The following PTPRD variants were observed in gnomAD, a reference collection of about 807,000 sequenced individuals.
The protein encoded by PTPRD is receptor-type tyrosine-protein phosphatase delta.
PTPRD carries 34 observed loss-of-function variants against 214.5 expected under a neutral mutation model. The observed-to-expected ratio is 0.16, with a 90% CI of 0.12 to 0.21. The LOEUF (loss-of-function observed/expected upper bound fraction) is 0.21. PTPRD is among the 10% of genes least tolerant of loss of function. The pLI is 1.00. For missense variants in PTPRD, 2,545 were observed against 2,398.7 expected, an observed-to-expected ratio of 1.06 and a Z score of -1.27; for synonymous variants, 1,128 against 845.7, an observed-to-expected ratio of 1.33 and a Z score of -5.79.
At chr9:8,836,641 G>C (rs2097430258) in intron 11 of PTPRD, among the ~76,000 whole-genome samples, 1 of 131,440 alleles carries the variant, frequency 7.6e-6, no homozygotes, top group Admixed American at 9.0e-5. Context: ...TCTGTTGCCA[G>C]GCTGGAATGC....
At chr9:9,790,113 G>C (rs1016610853) in intron 5 of PTPRD, among the ~76,000 whole-genome samples, 1 of 152,092 alleles carries the variant, frequency 6.6e-6, no homozygotes, top group Non-Finnish European at 1.5e-5. Flanking sequence ...GGGAATATCT[G>C]GCTGGGAATC....
intron 2 of PTPRD, among the ~76,000 whole-genome samples, chr9:10,516,682 C>G (rs1013873526): frequency 1.3e-5 from 2 of 151,874 alleles, no homozygotes; most frequent in African/African-American, 4.8e-5. Flanking sequence ...TCTGTGTTTT[C>G]TTTTAGGAGT....
At chr9:10,181,182 T>C (rs1373779445) in intron 3 of PTPRD, among the ~76,000 whole-genome samples, 1 of 152,116 alleles carries the variant, frequency 6.6e-6, no homozygotes, top group Non-Finnish European at 1.5e-5. Flanking sequence ...ATCTAATCTT[T>C]AGAGCTAAAA....
chr9:9,992,778 C>T (rs1391078018), intron 4 of PTPRD, among the ~76,000 whole-genome samples: 2 of 151,166 alleles, frequency 1.3e-5, no homozygotes, highest in African/African-American at 4.9e-5. Context: ...GGGTGGGGAA[C>T]ATCACACACT....
At chr9:10,608,787 ATTC>A (rs1183992796) in intron 2 of PTPRD, among the ~76,000 whole-genome samples, 4 of 152,066 alleles carry the variant, frequency 2.6e-5, no homozygotes, top group African/African-American at 9.7e-5. Flanking sequence ...TTCTTCATTA[ATTC>A]TTCTTCATTC....
chr9:8,525,217 A>AT (rs35751005), intron 17 of PTPRD, 182 bp from the exon 18 acceptor site: 7,121 of 606,440 alleles, frequency 0.012, no homozygotes, highest in Non-Finnish European at 0.013. Context: ...TATAGAGATT[A>AT]TTTTTTTTTT....
intron 11 of PTPRD, among the ~76,000 whole-genome samples, chr9:8,756,260 G>C (rs765382872): frequency 2.6e-5 from 4 of 152,060 alleles, no homozygotes; most frequent in Non-Finnish European, 5.9e-5. Flanking sequence ...TATAGCATTT[G>C]TTACCCTCAA....
chr9:8,730,602 T>C (rs2098646655), intron 12 of PTPRD, among the ~76,000 whole-genome samples: 1 of 152,256 alleles, frequency 6.6e-6, no homozygotes, highest in Non-Finnish European at 1.5e-5. Context: ...GTTCTTGGTC[T>C]GCATTTAGTT....
intron 14 of PTPRD, among the ~76,000 whole-genome samples, chr9:8,610,063 C>T (rs2095388372): frequency 6.6e-6 from 1 of 152,166 alleles, no homozygotes; most frequent in South Asian, 2.1e-4. Flanking sequence ...ATTAAATGGG[C>T]TAACCTGTAG....
chr9:10,602,274 A>G (rs10481533), intron 2 of PTPRD, among the ~76,000 whole-genome samples: 24,356 of 151,822 alleles, frequency 0.16, 2,109 homozygotes, highest in South Asian at 0.26. Flanking sequence ...TAAAATTCAC[A>G]TAACATTTCT....
At chr9:9,317,798 T>C (rs147620358) in intron 9 of PTPRD, among the ~76,000 whole-genome samples, 279 of 152,302 alleles carry the variant, frequency 1.8e-3, no homozygotes, top group Non-Finnish European at 2.4e-3. Flanking sequence ...ATTCATGATA[T>C]TAATAATTTT....
At chr9:9,145,674 A>C (rs2099867411) in intron 10 of PTPRD, among the ~76,000 whole-genome samples, 1 of 152,172 alleles carries the variant, frequency 6.6e-6, no homozygotes, top group Non-Finnish European at 1.5e-5. Context: ...CCTCATGTCT[A>C]AGCTGGGCTA....
intron 33 of PTPRD, among the ~76,000 whole-genome samples, chr9:8,452,393 T>C (rs1327649460): frequency 1.3e-5 from 2 of 152,212 alleles, no homozygotes; most frequent in Admixed American, 1.3e-4. Flanking sequence ...AGTTTGGTCA[T>C]CATTGGTAAT....
intron 2 of PTPRD, among the ~76,000 whole-genome samples, chr9:10,452,972 A>C (rs1304231574): frequency 6.6e-6 from 1 of 150,994 alleles, no homozygotes; most frequent in Non-Finnish European, 1.5e-5. Context: ...ATATTTAGAG[A>C]TCCTTAATCC....
chr9:9,869,497 C>T (rs891553678), intron 5 of PTPRD, among the ~76,000 whole-genome samples: 3 of 152,040 alleles, frequency 2.0e-5, no homozygotes, highest in Admixed American at 6.6e-5. Context: ...TATTGTAGAA[C>T]GTTCCACATG....
intron 14 of PTPRD, among the ~76,000 whole-genome samples, chr9:8,594,412 A>C (rs973180472): frequency 3.3e-5 from 5 of 152,254 alleles, no homozygotes; most frequent in Admixed American, 1.3e-4. Context: ...TGTTTGGCAC[A>C]AACATCAGAA....
At chr9:10,400,619 T>C (rs867469361) in intron 2 of PTPRD, among the ~76,000 whole-genome samples, 23 of 151,704 alleles carry the variant, frequency 1.5e-4, no homozygotes, top group African/African-American at 5.3e-4. Flanking sequence ...GTTGAAAATT[T>C]AGCAAGTTTG....
At chr9:8,396,514 T>TA (rs889870539) in intron 36 of PTPRD, among the ~76,000 whole-genome samples, 30 of 151,134 alleles carry the variant, frequency 2.0e-4, no homozygotes, top group Non-Finnish European at 3.8e-4. Flanking sequence ...GATGTACAAT[T>TA]AAAAAAAACA....
chr9:9,071,776 AT>A (rs2099744090), intron 10 of PTPRD, among the ~76,000 whole-genome samples: 1 of 152,196 alleles, frequency 6.6e-6, no homozygotes, highest in Admixed American at 6.5e-5. Flanking sequence ...TGGGCTCTTG[AT>A]TCATAAAAAC....
Sources: gnomAD v4.1 joint callset for allele counts (sites outside exome capture counted in the v4.1 genomes callset) on GRCh38, gnomAD v4.1.1 for gene constraint, MANE v1.5 for transcripts, NCBI Gene and HGNC (gene_info 2026-07-23, HGNC 2026-07-21) for gene names.